Variants in ANO10 observed in about 807,000 individuals in gnomAD.
The protein encoded by ANO10 is anoctamin 10.
Under a neutral mutation model 74.7 loss-of-function variants are expected in ANO10, and 77 were observed. The observed-to-expected ratio is 1.03, with a 90% CI of 0.86 to 1.25. ANO10 has a LOEUF of 1.25. Ranked by LOEUF, ANO10 falls within the 50% of genes most tolerant of loss-of-function variation. The probability of loss-of-function intolerance (pLI) is 0.00; values close to 1 mark genes in which losing one functional copy is unlikely to be tolerated. For missense variants in ANO10, 721 were observed against 778.1 expected (o/e 0.93, Z 0.87); for synonymous variants, 279 against 284.9 (o/e 0.98, Z 0.21).
chr3:43,396,702 C>A (rs1215757107), intron 12 of ANO10, among the ~76,000 whole-genome samples: 2 of 151,812 alleles, frequency 1.3e-5, no homozygotes, highest in African/African-American at 4.8e-5. Context: ...GCTCTGTCGT[C>A]CAAGCTGGAA....
chr3:43,601,366 A>G (rs2082330948), intron 2 of ANO10, among the ~76,000 whole-genome samples: 1 of 151,990 alleles, frequency 6.6e-6, no homozygotes, highest in Non-Finnish European at 1.5e-5. Context: ...CCACTACACC[A>G]AGCTATTTTT....
intron 11 of ANO10, among the ~76,000 whole-genome samples, chr3:43,503,606 G>A (rs540172187): frequency 2.0e-5 from 3 of 152,126 alleles, no homozygotes; most frequent in African/African-American, 4.8e-5. Context: ...GACTAATATC[G>A]TTCTCTTTGT....
At chr3:43,585,192 G>A (rs1360741398) in intron 4 of ANO10, among the ~76,000 whole-genome samples, 1 of 152,026 alleles carries the variant, frequency 6.6e-6, no homozygotes, top group Non-Finnish European at 1.5e-5. Flanking sequence ...ACTCTCAAAG[G>A]CATAAAAGAA....
intron 5 of ANO10, among the ~76,000 whole-genome samples, chr3:43,579,350 A>G (rs1173866620): frequency 6.6e-6 from 1 of 152,192 alleles, no homozygotes; most frequent in Non-Finnish European, 1.5e-5. Context: ...GTTTCATTCT[A>G]AATAACTGGC....
At chr3:43,377,337 C>T (rs1268685952) in intron 12 of ANO10, among the ~76,000 whole-genome samples, 9 of 152,140 alleles carry the variant, frequency 5.9e-5, no homozygotes, top group Non-Finnish European at 4.4e-5. Flanking sequence ...CTGCCTGCCT[C>T]GGCCTTCCAA....
chr3:43,530,743 T>G (rs560958729), intron 11 of ANO10, among the ~76,000 whole-genome samples: 1 of 152,320 alleles, frequency 6.6e-6, no homozygotes, highest in South Asian at 2.1e-4. Context: ...CTGTCTCTAA[T>G]TTATCAATTA....
chr3:43,603,787 C>T (rs939921269), intron 2 of ANO10, among the ~76,000 whole-genome samples: 1 of 152,220 alleles, frequency 6.6e-6, no homozygotes, highest in Non-Finnish European at 1.5e-5. Flanking sequence ...CTGATTTCTG[C>T]ACCTTTCGTT....
At chr3:43,465,520 G>A (rs1013614982) in intron 11 of ANO10, among the ~76,000 whole-genome samples, 2 of 152,164 alleles carry the variant, frequency 1.3e-5, no homozygotes, top group Admixed American at 6.5e-5. Flanking sequence ...CAGGTATGGT[G>A]GCAGGCACCT....
intron 12 of ANO10, among the ~76,000 whole-genome samples, chr3:43,381,079 G>A (rs1386255760): frequency 6.6e-6 from 1 of 151,978 alleles, no homozygotes; most frequent in African/African-American, 2.4e-5. Flanking sequence ...GAACTCACCC[G>A]CCACCATGAG....
At chr3:43,398,817 G>A (rs1206605351) in intron 12 of ANO10, among the ~76,000 whole-genome samples, 2 of 152,156 alleles carry the variant, frequency 1.3e-5, no homozygotes, top group Non-Finnish European at 2.9e-5. Flanking sequence ...GTAAAATGGG[G>A]ATAATAGTAT....
chr3:43,384,176 C>CAA (rs539292803), intron 12 of ANO10, among the ~76,000 whole-genome samples: 3 of 139,164 alleles, frequency 2.2e-5, no homozygotes, highest in African/African-American at 7.9e-5. Flanking sequence ...AAAATAGCTT[C>CAA]AAAAAAAAAA....
At chr3:43,484,741 G>A (rs927229457) in intron 11 of ANO10, among the ~76,000 whole-genome samples, 14 of 152,110 alleles carry the variant, frequency 9.2e-5, no homozygotes, top group African/African-American at 3.1e-4. Context: ...TCCCATCATG[G>A]CCAAGAACAC....
intron 11 of ANO10, among the ~76,000 whole-genome samples, chr3:43,479,097 A>G (rs1051397079): frequency 6.6e-6 from 1 of 150,592 alleles, no homozygotes; most frequent in Non-Finnish European, 1.5e-5. Flanking sequence ...TCACTCGTGC[A>G]TAGATTATTG....
At chr3:43,373,991 G>C (rs1420257058) in intron 12 of ANO10, among the ~76,000 whole-genome samples, 1 of 152,160 alleles carries the variant, frequency 6.6e-6, no homozygotes, top group South Asian at 2.1e-4. Flanking sequence ...CCAAGTTATG[G>C]ATACCCCAAA....
At chr3:43,468,281 C>T (rs1367260477) in intron 11 of ANO10, among the ~76,000 whole-genome samples, 1 of 152,186 alleles carries the variant, frequency 6.6e-6, no homozygotes, top group Non-Finnish European at 1.5e-5. Context: ...ATTTCAGTCA[C>T]CATGGCATCC....
At chr3:43,642,573 T>A (rs1416376847) in intron 1 of ANO10, among the ~76,000 whole-genome samples, 1 of 152,184 alleles carries the variant, frequency 6.6e-6, no homozygotes, top group Non-Finnish European at 1.5e-5. Context: ...TTGAATTTTT[T>A]AAATATATAA....
chr3:43,374,355 A>G (rs1270568730), intron 12 of ANO10, among the ~76,000 whole-genome samples: 1 of 152,222 alleles, frequency 6.6e-6, no homozygotes, highest in Non-Finnish European at 1.5e-5. Flanking sequence ...TCTAAACACT[A>G]TGCACATTTG....
rs1169816392 is a variant in ANO10, at chr3:43,562,455, C to CAAAA, written c.1294-1057_1294-1054dup. Among the ~76,000 whole-genome samples the CAAAA allele has an allele frequency of 6.9e-4, 48 of 69,952 alleles. 3 individuals carry two copies. The highest frequency in any genetic ancestry group is 0.013 in the Middle Eastern group (1 of 76). 45.9% of individuals were successfully genotyped at this position (69,952 alleles called of 152,430 possible). A position where few individuals can be genotyped will look rare whatever the true frequency, so the allele number is the denominator to read the frequency against. ...CGGCAGAACGAGGCTCTGTCTCAAACAAAAAAAAAAAAAAAAGAAGTTTGA... is the reference window on the plus strand; with the variant it reads ...CGGCAGAACGAGGCTCTGTCTCAAACAAAAAAAAAAAAAAAAAAAAGAAGTTTGA... On this transcript the variant is annotated intron_variant, in intron 8 of 12. Coordinates refer to ENST00000292246, the MANE Select transcript of ANO10 (RefSeq NM_018075.5).
chr3:43,465,689 T>A (rs748825030), intron 11 of ANO10, among the ~76,000 whole-genome samples: 14 of 152,162 alleles, frequency 9.2e-5, no homozygotes. Flanking sequence ...GAGACCACTG[T>A]CATATATATG....
Sources: allele counts gnomAD v4.1 joint callset (sites outside exome capture counted in the v4.1 genomes callset), GRCh38; gene constraint gnomAD v4.1.1; transcripts MANE v1.5; gene names NCBI Gene and HGNC (gene_info 2026-07-23, HGNC 2026-07-21).